Variants in GUCY1A2 observed in about 807,000 individuals in gnomAD.
GUCY1A2 encodes guanylate cyclase 1 soluble subunit alpha 2.
GUCY1A2 carries 27 observed loss-of-function variants against 63.5 expected under a neutral mutation model. The ratio of observed to expected loss-of-function variants is 0.43; its 90% CI spans 0.31 to 0.59. The LOEUF (loss-of-function observed/expected upper bound fraction) is 0.59, where lower values mean the gene tolerates loss of function less well. Ranked by LOEUF, GUCY1A2 falls within the 20% of genes least tolerant of loss-of-function variation. GUCY1A2 has a pLI of 0.11. For synonymous variants in GUCY1A2, 364 were observed against 343.5 expected, an observed-to-expected ratio of 1.06 and a Z score of -0.66; for missense variants, 768 against 913.3, an observed-to-expected ratio of 0.84 and a Z score of 2.05.
chr11:106,999,128 C>T (rs967638018), intron 1 of GUCY1A2, among the ~76,000 whole-genome samples: 2 of 152,152 alleles, frequency 1.3e-5, no homozygotes, highest in Non-Finnish European at 2.9e-5. Context: ...TATGCAGGTC[C>T]TTACAATCAA....
intron 7 of GUCY1A2, among the ~76,000 whole-genome samples, chr11:106,692,130 G>T (rs753750764): frequency 2.0e-5 from 3 of 152,106 alleles, no homozygotes; most frequent in Non-Finnish European, 4.4e-5. Flanking sequence ...TCCCTGGGTT[G>T]GCTCTAAAGC....
chr11:106,966,766 G>T (rs538664862), intron 3 of GUCY1A2, among the ~76,000 whole-genome samples: 1 of 152,278 alleles, frequency 6.6e-6, no homozygotes, highest in Admixed American at 6.5e-5. Flanking sequence ...CAGTAAGTTA[G>T]AGTTGCTTGA....
At chr11:106,905,572 A>T (rs2119842703) in intron 4 of GUCY1A2, among the ~76,000 whole-genome samples, 1 of 152,224 alleles carries the variant, frequency 6.6e-6, no homozygotes, top group South Asian at 2.1e-4. Context: ...CATATCACTT[A>T]GAGAATTGGG....
At chr11:106,777,095 C>A (rs1864370933) in intron 5 of GUCY1A2, among the ~76,000 whole-genome samples, 1 of 152,110 alleles carries the variant, frequency 6.6e-6, no homozygotes, top group South Asian at 2.1e-4. Context: ...TACCCCATAC[C>A]ATTGCGTCAA....
chr11:106,714,084 A>G (rs1863175028), intron 6 of GUCY1A2, among the ~76,000 whole-genome samples: 2 of 151,362 alleles, frequency 1.3e-5, no homozygotes, highest in Admixed American at 6.6e-5. Flanking sequence ...ATCTAGTTCT[A>G]TTTCTGCCTC....
intron 4 of GUCY1A2, among the ~76,000 whole-genome samples, chr11:106,875,789 A>G (rs986258385): frequency 1.3e-5 from 2 of 152,114 alleles, no homozygotes; most frequent in Admixed American, 6.6e-5. Flanking sequence ...GGTGCCTATC[A>G]CCAGCAGAAA....
Position 106,827,277 on chromosome 11 carries a change from A to T in GUCY1A2, c.1207-16799T>A, listed in dbSNP as rs745383380. ...TTGTATATCTGGTTCTTTTATATGC[A>T]ATTTTAGCCTCTGATTTTTCAGCAA... On this transcript the variant is annotated intron_variant, in intron 4 of 7. Coordinates refer to ENST00000526355, the MANE Select transcript of GUCY1A2 (RefSeq NM_000855.3). The T allele has an allele frequency of 1.7e-5, 27 of 1,555,002 alleles. No individual in the cohort carries two copies. The Middle Eastern group carries it at 8.4e-4, about 48-fold the overall frequency.
At chr11:106,986,967 T>G (rs1398716435) in intron 1 of GUCY1A2, among the ~76,000 whole-genome samples, 2 of 152,154 alleles carry the variant, frequency 1.3e-5, no homozygotes, top group Admixed American at 6.5e-5. Flanking sequence ...GAGACTGAAC[T>G]TGGAGTTTCA....
chr11:106,784,898 C>G (rs1419005746), intron 5 of GUCY1A2, among the ~76,000 whole-genome samples: 3 of 152,106 alleles, frequency 2.0e-5, no homozygotes, highest in African/African-American at 7.2e-5. Flanking sequence ...TTAAAGTAAC[C>G]TCATAATACC....
chr11:106,795,373 G>A lies in GUCY1A2; in HGVS notation c.1692+14620C>T, dbSNP rs1384753869. 2.0e-5 allele frequency among the ~76,000 whole-genome samples: 3 copies of A among 152,126 alleles called. No individual in the cohort carries two copies. In the East Asian group the frequency reaches 5.8e-4, roughly 29 times the overall value. On this transcript the variant is annotated intron_variant, in intron 5 of 7. Transcript: ENST00000526355. ...ACACTAATTATGGAATTTGGTAAGG[G>A]AAAAAGAGAGAAGCACGAAGTTGCC...
intron 1 of GUCY1A2, among the ~76,000 whole-genome samples, chr11:107,011,006 A>T (rs1454722968): frequency 6.6e-6 from 1 of 152,238 alleles, no homozygotes; most frequent in Admixed American, 6.5e-5. Context: ...CTGGGATTAC[A>T]GGCGTCAACC....
At chr11:106,955,395 T>C (rs1311281632) in intron 3 of GUCY1A2, among the ~76,000 whole-genome samples, 1 of 152,212 alleles carries the variant, frequency 6.6e-6, no homozygotes, top group Non-Finnish European at 1.5e-5. Context: ...TTCTTCATGG[T>C]GTCATTGGTC....
intron 3 of GUCY1A2, among the ~76,000 whole-genome samples, chr11:106,949,162 C>T (rs1860870764): frequency 6.6e-6 from 1 of 152,002 alleles, no homozygotes; most frequent in Admixed American, 6.6e-5. Flanking sequence ...TCCTAAATAC[C>T]ACTACTTTGT....
At chr11:106,789,371 C>G (rs1342307148) in intron 5 of GUCY1A2, among the ~76,000 whole-genome samples, 8 of 152,166 alleles carry the variant, frequency 5.3e-5, no homozygotes, top group Non-Finnish European at 2.9e-5. Flanking sequence ...ATGTACCTGA[C>G]AGAATTCTGA....
chr11:106,905,945 A>T (rs536672066), intron 4 of GUCY1A2, among the ~76,000 whole-genome samples: 1 of 152,308 alleles, frequency 6.6e-6, no homozygotes, highest in South Asian at 2.1e-4. Flanking sequence ...AATTAACTCA[A>T]GATGGATTAA....
chr11:106,819,820 T>C (rs573449534), intron 4 of GUCY1A2, among the ~76,000 whole-genome samples: 2 of 152,060 alleles, frequency 1.3e-5, no homozygotes, highest in Non-Finnish European at 2.9e-5. Flanking sequence ...AGAAAAAAAA[T>C]ACTGTCTTTT....
intron 4 of GUCY1A2, among the ~76,000 whole-genome samples, chr11:106,882,630 T>C (rs529450737): frequency 6.6e-6 from 1 of 152,142 alleles, no homozygotes; most frequent in East Asian, 1.9e-4. Flanking sequence ...TAAGAGAAGC[T>C]ATCTGGATAT....
At chr11:106,726,331 G>C (rs1477878161) in intron 6 of GUCY1A2, among the ~76,000 whole-genome samples, 1 of 152,024 alleles carries the variant, frequency 6.6e-6, no homozygotes, top group Non-Finnish European at 1.5e-5. Context: ...CAGGAGAATC[G>C]CTTGAACCTG....
Position 106,917,829 on chromosome 11 carries a change from A to G in GUCY1A2, c.1206+21631T>C, listed in dbSNP as rs1031577430. On this transcript the variant is annotated intron_variant, in intron 4 of 7. Coordinates refer to ENST00000526355, the MANE Select transcript of GUCY1A2 (RefSeq NM_000855.3). ...GAGGGGGGAGGGATGGCACTGGGAG[A>G]TATACCTAATGTTAAATGATGAGTT... Among the ~76,000 whole-genome samples, 15 of 138,602 alleles carry G rather than the reference A, an allele frequency of 1.1e-4. 1 individual carries two copies. Among genetic ancestry groups the G allele is most frequent in the African/African-American group, 3.3e-4 (13 of 39,874 alleles). The allele number at this position is 138,602 out of a possible 152,430, so 90.9% of individuals were successfully genotyped here. A position where few individuals can be genotyped will look rare whatever the true frequency, so the allele number is the denominator to read the frequency against.
Sources: allele counts gnomAD v4.1 joint callset (sites outside exome capture counted in the v4.1 genomes callset), GRCh38; gene constraint gnomAD v4.1.1; transcripts MANE v1.5; gene names NCBI Gene and HGNC (gene_info 2026-07-23, HGNC 2026-07-21).